Variants in EPB41 observed in about 807,000 individuals in gnomAD.
EPB41 encodes protein 4.1.
EPB41 carries 65 observed loss-of-function variants against 108.0 expected under a neutral mutation model. The ratio of observed to expected loss-of-function variants is 0.60; its 90% CI spans 0.49 to 0.74. EPB41 has a LOEUF of 0.74. Among genes scored for constraint, EPB41 ranks in the 30% least tolerant of loss-of-function variants. EPB41 has a pLI of 0.00. For synonymous variants in EPB41, 336 were observed against 358.9 expected (o/e 0.94, Z 0.72); for missense variants, 875 against 1,037.0 (o/e 0.84, Z 2.15).
At chr1:28,901,177 C>T (rs1174504917) in intron 1 of EPB41, among the ~76,000 whole-genome samples, 1 of 151,840 alleles carries the variant, frequency 6.6e-6, no homozygotes, top group Non-Finnish European at 1.5e-5. Flanking sequence ...GATCCGCCCG[C>T]CTTGGCCTCC....
At chr1:28,913,794 T>A (rs1203928556), upstream of EPB41, among the ~76,000 whole-genome samples, 1 of 151,988 alleles carries the variant, frequency 6.6e-6, no homozygotes. Flanking sequence ...GGTCAAGGGG[T>A]CTCTGACACT....
chr1:29,080,796 C>T (rs1019198188), intron 16 of EPB41, among the ~76,000 whole-genome samples: 3 of 152,236 alleles, frequency 2.0e-5, no homozygotes, highest in Non-Finnish European at 2.9e-5. Context: ...TATTCATTAA[C>T]AATTCAGCAT....
rs569640735 is a variant in EPB41, at chr1:29,115,237, A to G, written c.2497-462A>G. Among the ~76,000 whole-genome samples, 135 of 152,268 alleles carry G rather than the reference A, an allele frequency of 8.9e-4. No individual in the cohort carries two copies. Among genetic ancestry groups the G allele is most frequent in the South Asian group, 2.5e-3 (12 of 4,820 alleles). ...GTGAAACCCCATCTCTACAAAAAAT[A>G]CAAAAATTAGCTGGGCGTAGTGGTA... On this transcript the variant is annotated intron_variant, in intron 19 of 20. Transcript: ENST00000343067. This position sits in a 1 kb window ranked among gnomAD's most constrained non-coding sequence, Gnocchi z 4.4.
At chr1:28,913,267 G>T (rs994156834), upstream of EPB41, among the ~76,000 whole-genome samples, 1 of 151,958 alleles carries the variant, frequency 6.6e-6, no homozygotes, top group African/African-American at 2.4e-5. Context: ...GTGAAACCCC[G>T]TCTCTACTAA....
At chr1:28,967,810 CTTTT>C (rs1278947795) in intron 1 of EPB41, among the ~76,000 whole-genome samples, 2 of 121,168 alleles carry the variant, frequency 1.7e-5, no homozygotes, top group Admixed American at 8.5e-5. Flanking sequence ...TGGGCCTTGT[CTTTT>C]TTTTTTTTTT....
At chr1:28,904,168 C>CTTTT (rs533536807) in intron 1 of EPB41, among the ~76,000 whole-genome samples, 1 of 132,210 alleles carries the variant, frequency 7.6e-6, no homozygotes. Context: ...CCCGGCCCAG[C>CTTTT]TTTTTTTTTT....
At chr1:28,901,086 A>T (rs539881586) in intron 1 of EPB41, among the ~76,000 whole-genome samples, 2 of 147,804 alleles carry the variant, frequency 1.4e-5, no homozygotes, top group African/African-American at 5.0e-5. Flanking sequence ...CCTGCCACCA[A>T]GCCCGGCTAA....
chr1:29,080,261 G>T (rs1655992925), intron 16 of EPB41, among the ~76,000 whole-genome samples: 1 of 151,740 alleles, frequency 6.6e-6, no homozygotes, highest in Non-Finnish European at 1.5e-5. Flanking sequence ...TGGGATTACA[G>T]ACGCGAACCA....
At chr1:29,100,801 A>G (rs1159897978) in intron 17 of EPB41, among the ~76,000 whole-genome samples, 2 of 148,942 alleles carry the variant, frequency 1.3e-5, no homozygotes, top group African/African-American at 2.5e-5. Context: ...GTGTGGTGGC[A>G]TAGCTGTAGT....
At chr1:29,095,991 A>G (rs1344767336) in intron 16 of EPB41, among the ~76,000 whole-genome samples, 3 of 152,210 alleles carry the variant, frequency 2.0e-5, no homozygotes, top group Non-Finnish European at 4.4e-5. Flanking sequence ...GATAATGTGT[A>G]GTGAACAGCA....
chr1:28,892,575 C>T (rs1212320908), intron 1 of EPB41, among the ~76,000 whole-genome samples: 2 of 151,792 alleles, frequency 1.3e-5, no homozygotes, highest in African/African-American at 4.8e-5. Context: ...TACAAAAATA[C>T]ACGGTGGCAT....
chr1:29,081,451 A>C (rs1656572264), intron 16 of EPB41, among the ~76,000 whole-genome samples: 1 of 152,172 alleles, frequency 6.6e-6, no homozygotes. Flanking sequence ...GACAGAAGGT[A>C]TATCACTTTA....
In EPB41 at chr1:28,997,247, A is replaced by G. The variant is rs1411298705; in HGVS notation, c.714A>G (p.Arg238=). 1 of 1,614,146 alleles carries G rather than the reference A, an allele frequency of 6.2e-7. No homozygotes were observed. Among genetic ancestry groups the G allele is most frequent in the Admixed American group, 1.7e-5 (1 of 60,028 alleles). The change falls in exon 4 of 21, where the codon CGA becomes CGG. Residue 238 remains arginine (R), a synonymous_variant. Transcript: ENST00000343067. ...KHAKGQDLLK[R]VCEHLNLLEE... The stretch of plus-strand genomic sequence containing the variant: ...CTAAGGGACAAGATTTGCTTAAACG[A>G]GTATGTGAGCATCTCAATCTTTTGG...
chr1:28,942,183 A>G (rs1336982101), intron 1 of EPB41, among the ~76,000 whole-genome samples: 2 of 152,188 alleles, frequency 1.3e-5, no homozygotes, highest in African/African-American at 2.4e-5. Context: ...TTTTTCCCAC[A>G]CACTAACCAA....
At chr1:29,022,503 A>G (rs1413227889) in intron 7 of EPB41, among the ~76,000 whole-genome samples, 1 of 152,116 alleles carries the variant, frequency 6.6e-6, no homozygotes, top group Non-Finnish European at 1.5e-5. Flanking sequence ...CAGGCGGATC[A>G]CAAGGTCAGG....
At chr1:29,096,400 T>C in intron 16 of EPB41, 5 of 985,800 alleles carry the variant, frequency 5.1e-6, no homozygotes, top group Non-Finnish European at 6.0e-6. Context: ...GAGGCCCAAC[T>C]GGGGGATGTA....
chr1:28,942,545 A>G (rs554358437), intron 1 of EPB41, among the ~76,000 whole-genome samples: 1 of 152,368 alleles, frequency 6.6e-6, no homozygotes, highest in Admixed American at 6.5e-5. Flanking sequence ...TATGGGGGAA[A>G]GGACATGGAG....
intron 1 of EPB41, among the ~76,000 whole-genome samples, chr1:28,921,143 T>C (rs2093040766): frequency 6.6e-6 from 1 of 152,318 alleles, no homozygotes; most frequent in South Asian, 2.1e-4. Context: ...TTTTTGGTGA[T>C]TTATGAATAC....
chr1:28,896,856 C>T (rs879498387), intron 1 of EPB41, among the ~76,000 whole-genome samples: 5 of 152,040 alleles, frequency 3.3e-5, no homozygotes, highest in Admixed American at 6.6e-5. Flanking sequence ...GGAGGCAGAG[C>T]CAGCAGGGCG....
Sources: allele counts gnomAD v4.1 joint callset (sites outside exome capture counted in the v4.1 genomes callset), GRCh38; gene constraint gnomAD v4.1.1; non-coding constraint Gnocchi (gnomAD v3.1); transcripts MANE v1.5; gene names NCBI Gene and HGNC (gene_info 2026-07-23, HGNC 2026-07-21).